The following CNOT8 variants were observed in gnomAD, a reference collection of about 807,000 sequenced individuals.
CNOT8 encodes CCR4-NOT transcription complex subunit 8.
CNOT8 carries 18 observed loss-of-function variants against 34.6 expected under a neutral mutation model. The ratio of observed to expected loss-of-function variants is 0.52; its 90% CI spans 0.36 to 0.77. The LOEUF (loss-of-function observed/expected upper bound fraction) is 0.77. Ranked by LOEUF, CNOT8 falls within the 30% of genes least tolerant of loss-of-function variation. The pLI is 0.00. For missense variants in CNOT8, 189 were observed against 347.9 expected (o/e 0.54, Z 3.63); for synonymous variants, 101 against 118.8 (o/e 0.85, Z 0.98).
intron 3 of CNOT8, among the ~76,000 whole-genome samples, chr5:154,869,408 C>T (rs1402905905): frequency 6.6e-6 from 1 of 151,006 alleles, no homozygotes; most frequent in Non-Finnish European, 1.5e-5. Flanking sequence ...CGTGAGCCAC[C>T]CCACCCGGCC....
At chr5:154,871,598 C>T (rs768699103) in intron 4 of CNOT8, 132 bp from the exon 5 acceptor site, 14 of 558,530 alleles carry the variant, frequency 2.5e-5, no homozygotes, top group East Asian at 1.7e-4. Context: ...GATTATAGTA[C>T]GATAAACTAC....
At chr5:154,866,514 G>A (rs1270837244) in intron 3 of CNOT8, among the ~76,000 whole-genome samples, 2 of 152,094 alleles carry the variant, frequency 1.3e-5, no homozygotes, top group Non-Finnish European at 2.9e-5. Flanking sequence ...TTAGTTTATT[G>A]TCAAAGCCTG....
intron 3 of CNOT8, among the ~76,000 whole-genome samples, chr5:154,868,902 C>T (rs1274493408): frequency 6.6e-6 from 1 of 152,116 alleles, no homozygotes; most frequent in Admixed American, 6.6e-5. Flanking sequence ...CTTAGCTGCT[C>T]CTTTGATCTA....
Position 154,863,325 on chromosome 5 carries a change from G to GA in CNOT8, c.47_48insA (p.Trp16Ter). Residue 16 changes from tryptophan (W) to a stop codon, truncating the protein, a stop_gained and frameshift_variant, in exon 2 of 7, where the codon TGG (tryptophan) becomes TGAG (stop). Coordinates refer to ENST00000285896, the MANE Select transcript of CNOT8 (RefSeq NM_001301073.2). LOFTEE classifies it high-confidence loss of function. ...AATAGCCAGGTTATCTGTGAAGTGT[G>GA]GGCCAGTAATCTAGAAGAAGAGATG... ...VENSQVICEV[W>*]ASNLEEEMRK... The GA allele has an allele frequency of 6.2e-7, 1 of 1,614,140 alleles. No homozygotes were observed. The highest frequency in any genetic ancestry group is 8.5e-7 in the Non-Finnish European group (1 of 1,179,990).
intron 1 of CNOT8, among the ~76,000 whole-genome samples, chr5:154,862,596 A>G (rs1761458882): frequency 6.6e-6 from 1 of 152,344 alleles, no homozygotes. Context: ...GCACAAATCT[A>G]AAGAGGCACT....
chr5:154,867,629 G>A (rs571244265), intron 3 of CNOT8: 2 of 249,906 alleles, frequency 8.0e-6, no homozygotes, highest in South Asian at 3.3e-5. Context: ...CTTCATGGAA[G>A]CATTAGGGAA....
intron 3 of CNOT8, among the ~76,000 whole-genome samples, chr5:154,869,136 T>G (rs1762212653): frequency 1.3e-5 from 2 of 151,994 alleles, no homozygotes; most frequent in Non-Finnish European, 2.9e-5. Context: ...TTTTTTTTTT[T>G]GAGATAGAGT....
chr5:154,865,444 G>A (rs1167720401), intron 3 of CNOT8, 59 bp downstream of exon 3: 1 of 1,312,468 alleles, frequency 7.6e-7, no homozygotes, highest in Non-Finnish European at 1.0e-6. Context: ...GAATCCAGGT[G>A]GGTGTTGGAT....
rs763062947 is a variant in CNOT8, at chr5:154,858,685, C to G, written c.-156C>G. On this transcript the variant is annotated 5_prime_UTR_variant, in exon 1 of 7. Coordinates refer to ENST00000285896, the MANE Select transcript of CNOT8 (RefSeq NM_001301073.2). ...AAAAGAGCTCCGGGCCAGGGGCTGC[C>G]GTCGCCGCCGTCGGGGAGTCAGCCC... 3 of 152,306 alleles carry G rather than the reference C, an allele frequency of 2.0e-5. No homozygotes were observed. Among genetic ancestry groups the G allele is most frequent in the Non-Finnish European group, 4.4e-5 (3 of 68,088 alleles). 9.4% of individuals were successfully genotyped at this position (152,306 alleles called of 1,614,324 possible).
Position 154,875,278 on chromosome 5 carries a change from C to G in CNOT8, c.730-12C>G. The G allele has an allele frequency of 1.2e-6, 2 of 1,613,660 alleles. No individual in the cohort carries two copies. Among genetic ancestry groups the G allele is most frequent in the East Asian group, 2.2e-5 (1 of 44,868 alleles). On this transcript the variant is annotated splice_polypyrimidine_tract_variant and intron_variant, in intron 6 of 6. Transcript: ENST00000285896. ...CATAACTCTCACCATGGTTCTCTGT[C>G]CCATTCTGCAGTTGTTTTTTGAGGA...
chr5:154,872,876 C>A (rs1358930071), intron 6 of CNOT8, among the ~76,000 whole-genome samples: 2 of 152,214 alleles, frequency 1.3e-5, no homozygotes, highest in Non-Finnish European at 2.9e-5. Context: ...TCAAGCTTTT[C>A]TTCTGCCTCA....
intron 1 of CNOT8, among the ~76,000 whole-genome samples, chr5:154,861,753 C>G (rs554526534): frequency 2.0e-5 from 3 of 152,182 alleles, no homozygotes; most frequent in Non-Finnish European, 2.9e-5. Flanking sequence ...GGCTGGAGTG[C>G]GGTGGCGCGA....
At chr5:154,864,172 T>C (rs557105415) in intron 2 of CNOT8, among the ~76,000 whole-genome samples, 30 of 152,112 alleles carry the variant, frequency 2.0e-4, no homozygotes, top group Non-Finnish European at 1.9e-4. Flanking sequence ...TTAGAAATTA[T>C]AGAGTTGGCC....
intron 6 of CNOT8, among the ~76,000 whole-genome samples, chr5:154,873,995 G>A (rs1762717859): frequency 6.6e-6 from 1 of 152,160 alleles, no homozygotes; most frequent in African/African-American, 2.4e-5. Context: ...CTTGCGTTAA[G>A]TGCTTACTGT....
At chr5:154,869,770 G>T (rs961402232) in intron 3 of CNOT8, among the ~76,000 whole-genome samples, 6 of 151,738 alleles carry the variant, frequency 4.0e-5, no homozygotes, top group African/African-American at 1.5e-4. Context: ...GATTACAGGC[G>T]TGCGCCACCA....
Position 154,858,735 on chromosome 5 carries a change from G to T in CNOT8, c.-106G>T, listed in dbSNP as rs1761037237. ...CGCCAGCCCGCCAGCTCGTCAGCCC[G>T]CCAGCCAGCGCTTCGCGGGCCCTGT... On this transcript the variant is annotated 5_prime_UTR_variant, in exon 1 of 7. Transcript: ENST00000285896. 1 of 152,256 alleles carries T rather than the reference G, an allele frequency of 6.6e-6. No individual in the cohort carries two copies. The highest frequency in any genetic ancestry group is 2.4e-5 in the African/African-American group (1 of 41,522). 9.4% of individuals were successfully genotyped at this position (152,256 alleles called of 1,614,324 possible). A position where few individuals can be genotyped will look rare whatever the true frequency, so the allele number is the denominator to read the frequency against.
chr5:154,871,559 CAAAAAA>C (rs372899952), intron 4 of CNOT8, among the ~76,000 whole-genome samples, 165 bp from the exon 5 acceptor site: 80 of 55,444 alleles, frequency 1.4e-3, no homozygotes, highest in Non-Finnish European at 2.3e-3. Flanking sequence ...GACTCTGTCT[CAAAAAA>C]AAAAAAAAAA....
At chr5:154,868,721 G>A (rs977864532) in intron 3 of CNOT8, among the ~76,000 whole-genome samples, 3 of 152,102 alleles carry the variant, frequency 2.0e-5, no homozygotes, top group South Asian at 2.1e-4. Context: ...TGTCACAGAC[G>A]GTGGCCAAGA....
intron 4 of CNOT8, 68 bp downstream of exon 4, chr5:154,870,890 A>G: frequency 7.0e-7 from 1 of 1,431,622 alleles, no homozygotes; most frequent in Middle Eastern, 1.8e-4. Context: ...TTGAATTCTT[A>G]GTCATTTTTG....
Sources: allele counts gnomAD v4.1 joint callset (sites outside exome capture counted in the v4.1 genomes callset), GRCh38; gene constraint gnomAD v4.1.1; transcripts MANE v1.5; gene names NCBI Gene and HGNC (gene_info 2026-07-23, HGNC 2026-07-21).